The following GALNT13 variants were observed in gnomAD, a reference collection of about 807,000 sequenced individuals.
GALNT13 encodes the protein polypeptide N-acetylgalactosaminyltransferase 13.
GALNT13 carries 28 observed loss-of-function variants against 64.2 expected under a neutral mutation model. The ratio of observed to expected loss-of-function variants is 0.44; its 90% CI spans 0.32 to 0.60. GALNT13 has a LOEUF of 0.60. Ranked by LOEUF, GALNT13 falls within the 20% of genes least tolerant of loss-of-function variation. The pLI is 0.05. For synonymous variants in GALNT13, 214 were observed against 224.6 expected (o/e 0.95, Z 0.42); for missense variants, 577 against 669.8 (o/e 0.86, Z 1.53).
the GALNT13 span, among the ~76,000 whole-genome samples, chr2:153,756,987 CGTTT>C: frequency 6.6e-6 from 1 of 151,848 alleles, no homozygotes; most frequent in African/African-American, 2.4e-5. Context: ...TTTTAAAGAA[CGTTT>C]ATTTATTTTT....
At chr2:153,929,892 G>A (rs1690397592) in intron 2 of GALNT13, among the ~76,000 whole-genome samples, 1 of 151,990 alleles carries the variant, frequency 6.6e-6, no homozygotes, top group Non-Finnish European at 1.5e-5. Context: ...TCAAATGGTA[G>A]TTCGGTTTTA....
the GALNT13 span, among the ~76,000 whole-genome samples, chr2:153,186,508 GTTTGT>G: frequency 1.3e-5 from 2 of 151,606 alleles, no homozygotes; most frequent in Non-Finnish European, 2.9e-5. Context: ...GATGCTAGCT[GTTTGT>G]TTTGCAGACT....
the GALNT13 span, among the ~76,000 whole-genome samples, chr2:153,753,227 C>T: frequency 6.6e-6 from 1 of 152,154 alleles, no homozygotes; most frequent in Non-Finnish European, 1.5e-5. Context: ...AATTCTGTTT[C>T]TCCAGGATTG....
chr2:153,524,409 A>G, the GALNT13 span, among the ~76,000 whole-genome samples: 2 of 150,716 alleles, frequency 1.3e-5, no homozygotes, highest in Non-Finnish European at 2.9e-5. Context: ...TTTAACTACT[A>G]TCTACACACA....
intron 11 of GALNT13, among the ~76,000 whole-genome samples, chr2:154,412,148 T>C (rs1376707564): frequency 6.6e-6 from 1 of 151,802 alleles, no homozygotes; most frequent in East Asian, 1.9e-4. Flanking sequence ...GTATTGTTGA[T>C]TTCAAAACGA....
the GALNT13 span, among the ~76,000 whole-genome samples, chr2:153,564,136 C>G: frequency 6.6e-6 from 1 of 152,064 alleles, no homozygotes; most frequent in Admixed American, 6.5e-5. Flanking sequence ...CTTCTATTCT[C>G]AGAAGTTGAT....
At chr2:153,390,506 A>T in the GALNT13 span, among the ~76,000 whole-genome samples, 1 of 152,124 alleles carries the variant, frequency 6.6e-6, no homozygotes, top group Non-Finnish European at 1.5e-5. Context: ...GAAATGATAA[A>T]GATCCATCCA....
chr2:153,701,395 G>C, the GALNT13 span, among the ~76,000 whole-genome samples: 1 of 152,134 alleles, frequency 6.6e-6, no homozygotes, highest in Non-Finnish European at 1.5e-5. Context: ...AAAAACCCTA[G>C]AAGAAAACCC....
chr2:154,438,320 A>G (rs934497734), intron 11 of GALNT13, among the ~76,000 whole-genome samples: 1 of 152,224 alleles, frequency 6.6e-6, no homozygotes, highest in African/African-American at 2.4e-5. Context: ...AAGTATCATG[A>G]AAGAACTACA....
At chr2:153,722,075 A>C in the GALNT13 span, among the ~76,000 whole-genome samples, 28 of 150,090 alleles carry the variant, frequency 1.9e-4, no homozygotes, top group African/African-American at 6.5e-4. Context: ...CTCCTCAGAA[A>C]ATGTAAAAGA....
At chr2:153,501,493 G>A in the GALNT13 span, among the ~76,000 whole-genome samples, 942 of 152,070 alleles carry the variant, frequency 6.2e-3, 7 homozygotes, top group African/African-American at 0.021. Flanking sequence ...CACCATGCCC[G>A]GTTAATTTTT....
chr2:153,329,480 A>C, the GALNT13 span, among the ~76,000 whole-genome samples: 6 of 152,156 alleles, frequency 3.9e-5, no homozygotes, highest in African/African-American at 1.4e-4. Flanking sequence ...TGACTGGTAT[A>C]AGATGGTATC....
At chr2:153,517,632 G>A in the GALNT13 span, among the ~76,000 whole-genome samples, 1 of 152,080 alleles carries the variant, frequency 6.6e-6, no homozygotes, top group African/African-American at 2.4e-5. Context: ...TACTATAAAT[G>A]AATAATTGAA....
the GALNT13 span, among the ~76,000 whole-genome samples, chr2:153,609,549 C>T: frequency 3.9e-5 from 6 of 152,130 alleles, no homozygotes; most frequent in African/African-American, 1.4e-4. Context: ...GGGCTGTCCT[C>T]ACCCAGTAAA....
chr2:153,459,257 GA>G, the GALNT13 span, among the ~76,000 whole-genome samples: 5 of 151,942 alleles, frequency 3.3e-5, no homozygotes, highest in Non-Finnish European at 7.4e-5. Context: ...AGAAACATGA[GA>G]GTCATATGGC....
At chr2:153,673,434 A>G in the GALNT13 span, among the ~76,000 whole-genome samples, 2 of 152,224 alleles carry the variant, frequency 1.3e-5, no homozygotes. Flanking sequence ...AATCCATCAC[A>G]TAAACAGAAC....
At chr2:154,041,795 G>C (rs1278867039) in intron 3 of GALNT13, among the ~76,000 whole-genome samples, 1 of 140,036 alleles carries the variant, frequency 7.1e-6, no homozygotes, top group Non-Finnish European at 1.6e-5. Context: ...TGTTTATAGT[G>C]ATCTCATATA....
the GALNT13 span, among the ~76,000 whole-genome samples, chr2:153,399,242 G>A: frequency 2.1e-4 from 31 of 151,136 alleles, no homozygotes; most frequent in Admixed American, 2.6e-4. Flanking sequence ...GTAGATATGC[G>A]GCGTTATTTC....
chr2:154,399,115 A>G (rs935523725), intron 10 of GALNT13, among the ~76,000 whole-genome samples: 3 of 152,172 alleles, frequency 2.0e-5, no homozygotes, highest in Admixed American at 6.6e-5. Flanking sequence ...AAATGTTTTT[A>G]TTAAATAACT....
Sources: allele counts gnomAD v4.1 joint callset (sites outside exome capture counted in the v4.1 genomes callset), GRCh38; gene constraint gnomAD v4.1.1; transcripts MANE v1.5; gene names NCBI Gene and HGNC (gene_info 2026-07-23, HGNC 2026-07-21).